The following TDRD7 variants were observed in gnomAD, a reference collection of about 807,000 sequenced individuals.
TDRD7 encodes the protein tudor domain-containing protein 7.
Under a neutral mutation model 109.8 loss-of-function variants are expected in TDRD7, and 47 were observed. The ratio of observed to expected loss-of-function variants is 0.43; its 90% CI spans 0.34 to 0.55. The LOEUF is 0.55. TDRD7 is among the 20% of genes least tolerant of loss of function. The probability of loss-of-function intolerance (pLI) is 0.03; values close to 1 mark genes in which losing one functional copy is unlikely to be tolerated. For missense variants in TDRD7, 1,164 were observed against 1,319.2 expected (o/e 0.88, Z 1.82); for synonymous variants, 424 against 457.3 (o/e 0.93, Z 0.93).
intron 6 of TDRD7, among the ~76,000 whole-genome samples, chr9:97,455,597 A>C (rs1184277098): frequency 6.6e-6 from 1 of 152,240 alleles, no homozygotes; most frequent in Non-Finnish European, 1.5e-5. Context: ...CAATAGATGC[A>C]GAAAAGGCCT....
At chr9:97,413,447 T>C (rs1827757774) in intron 1 of TDRD7, among the ~76,000 whole-genome samples, 1 of 152,258 alleles carries the variant, frequency 6.6e-6, no homozygotes, top group Non-Finnish European at 1.5e-5. Flanking sequence ...ATAACCACTG[T>C]ATATCCTTTG....
chr9:97,453,145 G>A lies in TDRD7; in HGVS notation c.856-7033G>A, dbSNP rs146585837. Among the ~76,000 whole-genome samples, 453 of 152,300 alleles carry A rather than the reference G, an allele frequency of 3.0e-3. 1 individual carries two copies. Among genetic ancestry groups the A allele is most frequent in the African/African-American group, 0.01 (423 of 41,560 alleles). On this transcript the variant is annotated intron_variant, in intron 6 of 16. Transcript: ENST00000355295. The stretch of plus-strand genomic sequence containing the variant: ...GTTATTTTAGATAAGATGGGTTATC[G>A]TCCACTGAAAGTAGTTTCTACCACC...
At chr9:97,482,652 G>T (rs1282511522) in intron 14 of TDRD7, among the ~76,000 whole-genome samples, 197 bp from the exon 15 acceptor site, 1 of 152,110 alleles carries the variant, frequency 6.6e-6, no homozygotes, top group Admixed American at 6.5e-5. Context: ...CCATAAGGCT[G>T]CACTGTTCCC....
chr9:97,474,982 A>G (rs575908641), intron 11 of TDRD7, among the ~76,000 whole-genome samples: 2 of 152,310 alleles, frequency 1.3e-5, no homozygotes, highest in Non-Finnish European at 1.5e-5. Context: ...CTTTGCATCT[A>G]AATGTGAAGA....
chr9:97,494,475 A>G (rs1269714278), intron 16 of TDRD7, among the ~76,000 whole-genome samples: 1 of 152,114 alleles, frequency 6.6e-6, no homozygotes, highest in African/African-American at 2.4e-5. Flanking sequence ...ACATGGCTCA[A>G]AGATTGTCAG....
chr9:97,426,832 T>C (rs1236273929), intron 1 of TDRD7, among the ~76,000 whole-genome samples: 2 of 152,366 alleles, frequency 1.3e-5, no homozygotes, highest in South Asian at 4.1e-4. Context: ...GCTGATATTT[T>C]GTTTTCTTTT....
chr9:97,458,042 A>G (rs1011520316), intron 6 of TDRD7, among the ~76,000 whole-genome samples: 4 of 152,154 alleles, frequency 2.6e-5, no homozygotes, highest in Admixed American at 2.6e-4. Context: ...GCAGGTGGAT[A>G]GGTGTAGCAA....
intron 1 of TDRD7, among the ~76,000 whole-genome samples, chr9:97,427,765 A>G (rs968010747): frequency 3.3e-5 from 5 of 152,150 alleles, no homozygotes; most frequent in Admixed American, 1.3e-4. Flanking sequence ...TGATTTTTTT[A>G]TTTATTCCTA....
chr9:97,444,826 A>C (rs1425392763), intron 6 of TDRD7, among the ~76,000 whole-genome samples: 2 of 152,254 alleles, frequency 1.3e-5, no homozygotes, highest in Non-Finnish European at 2.9e-5. Context: ...ACTTACAGGA[A>C]TTCCATTTGA....
intron 6 of TDRD7, among the ~76,000 whole-genome samples, chr9:97,451,300 A>G (rs1828486787): frequency 6.6e-6 from 1 of 151,842 alleles, no homozygotes; most frequent in Non-Finnish European, 1.5e-5. Flanking sequence ...ACACACGTGT[A>G]TTTTTTTAGA....
intron 6 of TDRD7, among the ~76,000 whole-genome samples, chr9:97,444,713 G>T (rs995228393): frequency 4.6e-5 from 7 of 152,014 alleles, no homozygotes; most frequent in South Asian, 2.1e-4. Context: ...TTTTTTAAGG[G>T]TTTTTTCCTC....
At chr9:97,459,838 T>C (rs1426825089) in intron 6 of TDRD7, among the ~76,000 whole-genome samples, 1 of 152,252 alleles carries the variant, frequency 6.6e-6, no homozygotes, top group Non-Finnish European at 1.5e-5. Context: ...AACTTATTTT[T>C]AGTCAGTTTT....
At chr9:97,468,416 C>T (rs530645154) in intron 8 of TDRD7, among the ~76,000 whole-genome samples, 1 of 152,296 alleles carries the variant, frequency 6.6e-6, no homozygotes, top group South Asian at 2.1e-4. Context: ...GAATTATGGG[C>T]TGGATGTGAA....
intron 11 of TDRD7, among the ~76,000 whole-genome samples, chr9:97,474,022 T>C: frequency 6.6e-6 from 1 of 152,206 alleles, no homozygotes; most frequent in East Asian, 1.9e-4. Flanking sequence ...CCTTGGAATT[T>C]AGGAGGATAA....
chr9:97,458,471 T>C (rs1828657264), intron 6 of TDRD7, among the ~76,000 whole-genome samples: 1 of 152,156 alleles, frequency 6.6e-6, no homozygotes, highest in South Asian at 2.1e-4. Context: ...AGACTAACCA[T>C]CAAGAGAAAG....
rs771627718 is a variant in TDRD7, at chr9:97,412,540, G to T, written c.-7+302G>T. ...GACGGAGCCTCCTGCCGCCTCGGAA[G>T]CTCTGCGCCGTGGGGGAAATGCAGC... On this transcript the variant is annotated intron_variant, in intron 1 of 16. Coordinates refer to ENST00000355295, the MANE Select transcript of TDRD7 (RefSeq NM_014290.3). This position sits in a 1 kb window ranked among gnomAD's most constrained non-coding sequence, Gnocchi z 4.3. 6.6e-6 allele frequency among the ~76,000 whole-genome samples: 1 copy of T among 152,222 alleles called. No individual in the cohort carries two copies. The highest frequency in any genetic ancestry group is 1.5e-5 in the Non-Finnish European group (1 of 68,038).
chr9:97,429,737 A>G (rs990799416), intron 2 of TDRD7, among the ~76,000 whole-genome samples: 2 of 152,168 alleles, frequency 1.3e-5, no homozygotes, highest in East Asian at 3.9e-4. Flanking sequence ...CACACTTGAC[A>G]CAATGTTTTC....
chr9:97,474,286 T>A (rs111228675), intron 11 of TDRD7, among the ~76,000 whole-genome samples: 10 of 152,328 alleles, frequency 6.6e-5, no homozygotes, highest in African/African-American at 2.4e-4. Context: ...GAATATGCTG[T>A]GGTTTCCAAA....
rs200603850 is a variant in TDRD7 at position 97,439,286 on chromosome 9, A to G, written c.605A>G (p.His202Arg). 1,653 of 1,603,150 alleles carry G rather than the reference A, an allele frequency of 1.0e-3. 29 individuals are homozygous for G. The South Asian group carries it at 0.017, about 17-fold the overall frequency. Residue 202 changes from histidine (H) to arginine (R), a missense_variant, in exon 5 of 17, where the codon CAT becomes CGT. By Grantham distance (29) the His-to-Arg change is conservative. Around this residue, in one of 5 missense-constraint regions of TDRD7, gnomAD observed 407 missense variants for 394.0 expected, o/e 1.03. Coordinates refer to ENST00000355295, the MANE Select transcript of TDRD7 (RefSeq NM_014290.3). ...TCCCTTCAACCACCTTTGCAGATGC[A>G]TCTCTCAAGAACCTCTACTAAGGAA... ...KASLQPPLQM[H>R]LSRTSTKEMS...
Sources: allele counts gnomAD v4.1 joint callset (sites outside exome capture counted in the v4.1 genomes callset), GRCh38; gene constraint gnomAD v4.1.1; regional missense constraint gnomAD v4.1.1; non-coding constraint Gnocchi (gnomAD v3.1); transcripts MANE v1.5; gene names NCBI Gene and HGNC (gene_info 2026-07-23, HGNC 2026-07-21).